COL23A1: variants seen among roughly 807,000 people sequenced by gnomAD.
COL23A1 encodes collagen type XXIII alpha 1 chain.
A neutral mutation model predicts 99.3 loss-of-function variants in COL23A1; 97 were observed. The observed-to-expected ratio is 0.98, with a 90% CI of 0.83 to 1.16. COL23A1 has a LOEUF of 1.16. Among genes scored for constraint, COL23A1 ranks in the 50% most tolerant of loss-of-function variants. The pLI is 0.00. For synonymous variants in COL23A1, 320 were observed against 308.2 expected, an observed-to-expected ratio of 1.04 and a Z score of -0.40; for missense variants, 762 against 757.4, an observed-to-expected ratio of 1.01 and a Z score of -0.07.
intron 2 of COL23A1, among the ~76,000 whole-genome samples, chr5:178,514,746 G>A (rs1759411692): frequency 6.6e-6 from 1 of 152,208 alleles, no homozygotes; most frequent in African/African-American, 2.4e-5. Flanking sequence ...TAACTGACAT[G>A]TATGGGAGGA....
intron 2 of COL23A1, among the ~76,000 whole-genome samples, chr5:178,393,938 T>C (rs1285919389): frequency 1.3e-5 from 2 of 152,154 alleles, no homozygotes; most frequent in Non-Finnish European, 2.9e-5. Flanking sequence ...CTTCCCTCTT[T>C]TCAACTGATT....
chr5:178,307,730 C>A lies in COL23A1; in HGVS notation c.362-811G>T, dbSNP rs1460588875. On this transcript the variant is annotated intron_variant, in intron 2 of 28. Coordinates refer to ENST00000390654, the MANE Select transcript of COL23A1 (RefSeq NM_173465.4). This position sits in a 1 kb window ranked among gnomAD's most constrained non-coding sequence, Gnocchi z 4.2. ...TGGCGCTCACTGCCATCCTTCCTGG[C>A]GCCCCTTCTCGCCCCTGTTTCAGTG... Among the ~76,000 whole-genome samples the A allele has an allele frequency of 1.3e-5, 2 of 152,234 alleles. No homozygotes were observed. Among genetic ancestry groups the A allele is most frequent in the Admixed American group, 6.5e-5 (1 of 15,288 alleles).
chr5:178,348,262 C>T (rs1467061219), intron 2 of COL23A1, among the ~76,000 whole-genome samples: 2 of 152,220 alleles, frequency 1.3e-5, no homozygotes, highest in African/African-American at 4.8e-5. Context: ...CCCACGCACT[C>T]GGGGCGACTC....
intron 3 of COL23A1, among the ~76,000 whole-genome samples, chr5:178,291,345 G>A (rs1021675943): frequency 6.6e-6 from 1 of 152,228 alleles, no homozygotes; most frequent in African/African-American, 2.4e-5. Flanking sequence ...CCTGGCTCAT[G>A]AATGTTGACT....
chr5:178,584,551 C>T (rs1389537035), intron 1 of COL23A1, among the ~76,000 whole-genome samples: 1 of 152,052 alleles, frequency 6.6e-6, no homozygotes, highest in Non-Finnish European at 1.5e-5. Context: ...TGTCACATTG[C>T]TATTTGAGGG....
At chr5:178,291,918 C>T (rs1307431767) in intron 3 of COL23A1, among the ~76,000 whole-genome samples, 1 of 152,086 alleles carries the variant, frequency 6.6e-6, no homozygotes, top group Non-Finnish European at 1.5e-5. Flanking sequence ...TAGATCAGGG[C>T]GGAACAGAGC....
chr5:178,255,170 T>A lies in COL23A1; in HGVS notation c.883-144A>T. On this transcript the variant is annotated intron_variant, in intron 15 of 28. Transcript: ENST00000390654. The surrounding 1 kb of genome is among the most constrained non-coding windows in gnomAD (Gnocchi z 4.2). ...GCTGCACGCATGCCCCTCCCCAGGGTGGATGGAGGGAACGGGAGGCAGGCC... is the reference window on the plus strand; with the variant it reads ...GCTGCACGCATGCCCCTCCCCAGGGAGGATGGAGGGAACGGGAGGCAGGCC... The A allele has an allele frequency of 1.5e-6, 1 of 683,340 alleles. No homozygotes were observed. The highest frequency in any genetic ancestry group is 1.7e-5 in the South Asian group (1 of 59,518). 42.3% of individuals were successfully genotyped at this position (683,340 alleles called of 1,614,324 possible).
intron 2 of COL23A1, among the ~76,000 whole-genome samples, chr5:178,338,025 T>C (rs73346819): frequency 0.032 from 4,812 of 152,148 alleles, 75 homozygotes; most frequent in African/African-American, 0.046. Context: ...CACTGTTATC[T>C]CCATGTTAGA....
chr5:178,477,050 A>G (rs893940423), intron 2 of COL23A1, among the ~76,000 whole-genome samples: 1 of 152,176 alleles, frequency 6.6e-6, no homozygotes, highest in Non-Finnish European at 1.5e-5. Context: ...TTAACAGAAT[A>G]TGTGGCTTCG....
chr5:178,265,076 C>G (rs1755805635), intron 8 of COL23A1, among the ~76,000 whole-genome samples: 1 of 152,228 alleles, frequency 6.6e-6, no homozygotes, highest in Admixed American at 6.5e-5. Flanking sequence ...AGAGGCTCCT[C>G]TCACTGCCAA....
Position 178,580,120 on chromosome 5 carries a change from G to A in COL23A1, c.294+9784C>T, listed in dbSNP as rs1409623667. The stretch of plus-strand genomic sequence containing the variant: ...AGGCGGGTGGATCACTTGAGATCAG[G>A]AGTTAGAGAACAGTCTGGCCAACAT... On this transcript the variant is annotated intron_variant, in intron 1 of 28. Coordinates refer to ENST00000390654, the MANE Select transcript of COL23A1 (RefSeq NM_173465.4). Among the ~76,000 whole-genome samples, 8 of 152,232 alleles carry A rather than the reference G, an allele frequency of 5.3e-5. No homozygotes were observed. The East Asian group carries it at 1.6e-3, about 30-fold the overall frequency.
At position 178,590,293 on chromosome 5, in the gene COL23A1, G is replaced by C; in HGVS notation, c.-96C>G. ...CAGGCGGGACAGCCCGAGGCACGAGGTCCGCCGGGCGCGGGGGTTAGCCTC... is the reference window on the plus strand; with the variant it reads ...CAGGCGGGACAGCCCGAGGCACGAGCTCCGCCGGGCGCGGGGGTTAGCCTC... On this transcript the variant is annotated 5_prime_UTR_variant, in exon 1 of 29. Transcript: ENST00000390654. This position sits in a 1 kb window ranked among gnomAD's most constrained non-coding sequence, Gnocchi z 5.7. 1 of 1,088,626 alleles carries C rather than the reference G, an allele frequency of 9.2e-7. No homozygotes were observed. The highest frequency in any genetic ancestry group is 1.1e-6 in the Non-Finnish European group (1 of 879,284). 67.4% of individuals were successfully genotyped at this position (1,088,626 alleles called of 1,614,324 possible).
intron 2 of COL23A1, among the ~76,000 whole-genome samples, chr5:178,454,195 A>G (rs1034785499): frequency 1.4e-5 from 2 of 141,452 alleles, no homozygotes; most frequent in African/African-American, 5.3e-5. Flanking sequence ...ACCCACCCTC[A>G]ATCTTACCTC....
At chr5:178,587,486 G>A (rs1343052060) in intron 1 of COL23A1, among the ~76,000 whole-genome samples, 1 of 152,162 alleles carries the variant, frequency 6.6e-6, no homozygotes, top group African/African-American at 2.4e-5. Flanking sequence ...AGCCATGTAT[G>A]GTTGGCAAGG....
chr5:178,472,604 T>C (rs1756815579), intron 2 of COL23A1, among the ~76,000 whole-genome samples: 2 of 110,534 alleles, frequency 1.8e-5, no homozygotes, highest in Non-Finnish European at 4.2e-5. Flanking sequence ...GCCAGGTGCT[T>C]ATAATGCATC....
At chr5:178,432,088 T>C (rs10039632) in intron 2 of COL23A1, among the ~76,000 whole-genome samples, 4,400 of 152,304 alleles carry the variant, frequency 0.029, 217 homozygotes, top group African/African-American at 0.099. Flanking sequence ...TTGTAAGGTC[T>C]TGGAATAAAA....
At chr5:178,478,263 G>A (rs1443568036) in intron 2 of COL23A1, among the ~76,000 whole-genome samples, 1 of 152,210 alleles carries the variant, frequency 6.6e-6, no homozygotes, top group Admixed American at 6.5e-5. Flanking sequence ...GAATCAGTGG[G>A]TTGCCAAGAT....
At chr5:178,487,399 A>C (rs1370294192) in intron 2 of COL23A1, among the ~76,000 whole-genome samples, 3 of 151,854 alleles carry the variant, frequency 2.0e-5, no homozygotes, top group Non-Finnish European at 1.5e-5. Flanking sequence ...AGCTCACTGC[A>C]ACCTCTGCCT....
rs535699389 is a variant in COL23A1 at position 178,297,286 on chromosome 5, C to T, written c.407-6917G>A. On this transcript the variant is annotated intron_variant, in intron 3 of 28. Coordinates refer to ENST00000390654, the MANE Select transcript of COL23A1 (RefSeq NM_173465.4). The stretch of plus-strand genomic sequence containing the variant: ...CTGTAATCCCAGCACTTTGGGAGGC[C>T]GAGGCGGGTGGATCACCTGAGGTCA... Among the ~76,000 whole-genome samples the T allele has an allele frequency of 2.2e-4, 34 of 152,338 alleles. No individual in the cohort carries two copies. The South Asian group carries it at 6.2e-3, about 28-fold the overall frequency.
Sources: gnomAD v4.1 joint callset for allele counts (sites outside exome capture counted in the v4.1 genomes callset) on GRCh38, gnomAD v4.1.1 for gene constraint, Gnocchi (gnomAD v3.1) non-coding constraint, MANE v1.5 for transcripts, NCBI Gene and HGNC (gene_info 2026-07-23, HGNC 2026-07-21) for gene names.